CSMD3: variants seen among roughly 807,000 people sequenced by gnomAD.
CSMD3 encodes CUB and sushi domain-containing protein 3.
In CSMD3, 177 loss-of-function variants were observed where a neutral mutation model predicts 435.2. That is an observed-to-expected ratio of 0.41 (90% CI 0.36 to 0.46). The LOEUF (loss-of-function observed/expected upper bound fraction) is 0.46. Ranked by LOEUF, CSMD3 falls within the 20% of genes least tolerant of loss-of-function variation. The pLI, the probability that CSMD3 is intolerant of heterozygous loss-of-function variation, is 0.34. For missense variants in CSMD3, 4,265 were observed against 4,504.6 expected (o/e 0.95, Z 1.52); for synonymous variants, 1,656 against 1,520.5 (o/e 1.09, Z -2.07).
chr8:112,502,618 C>T (rs556207063), intron 30 of CSMD3, among the ~76,000 whole-genome samples: 1 of 152,126 alleles, frequency 6.6e-6, no homozygotes, highest in Non-Finnish European at 1.5e-5. Context: ...AAGAGACTAA[C>T]CCCTGTTCCT....
intron 13 of CSMD3, among the ~76,000 whole-genome samples, chr8:112,782,361 G>A (rs1256635002): frequency 6.6e-6 from 1 of 151,820 alleles, no homozygotes; most frequent in African/African-American, 2.4e-5. Flanking sequence ...TTAGTGACCT[G>A]GAAGACAGGC....
chr8:112,272,984 G>GA (rs2130494653), intron 59 of CSMD3, among the ~76,000 whole-genome samples: 1 of 152,208 alleles, frequency 6.6e-6, no homozygotes, highest in Non-Finnish European at 1.5e-5. Context: ...ATTCATTGTT[G>GA]AAAAGCTAAC....
chr8:112,699,452 T>C (rs571545807), intron 13 of CSMD3, among the ~76,000 whole-genome samples: 60 of 152,168 alleles, frequency 3.9e-4, no homozygotes, highest in African/African-American at 1.3e-3. Context: ...AGTTAATAAA[T>C]ACAGAATAAG....
At chr8:113,044,743 T>C (rs2131301516) in intron 5 of CSMD3, among the ~76,000 whole-genome samples, 1 of 149,294 alleles carries the variant, frequency 6.7e-6, no homozygotes. Context: ...ATCTCATCCT[T>C]TTTTAACCTA....
intron 9 of CSMD3, among the ~76,000 whole-genome samples, chr8:112,926,547 C>G (rs2082917848): frequency 6.6e-6 from 1 of 152,062 alleles, no homozygotes; most frequent in Non-Finnish European, 1.5e-5. Context: ...CATGATTATG[C>G]TGGTCAATGT....
At chr8:113,307,625 A>G (rs2093831784) in intron 2 of CSMD3, among the ~76,000 whole-genome samples, 1 of 152,216 alleles carries the variant, frequency 6.6e-6, no homozygotes, top group South Asian at 2.1e-4. Context: ...CAATGCATGT[A>G]TTTGTCAAAT....
At chr8:113,139,192 G>T (rs4437684) in intron 4 of CSMD3, among the ~76,000 whole-genome samples, 101,351 of 150,358 alleles carry the variant, frequency 0.67, 35,755 homozygotes, top group East Asian at 0.95. Flanking sequence ...AATGGCTAAG[G>T]TCTCTAAATA....
intron 6 of CSMD3, among the ~76,000 whole-genome samples, chr8:113,011,500 A>T (rs1248779690): frequency 1.3e-5 from 2 of 151,764 alleles, no homozygotes; most frequent in Non-Finnish European, 3.0e-5. Context: ...AATGAACAGA[A>T]ATTTGAGACA....
intron 4 of CSMD3, 53 bp from the exon 5 acceptor site, chr8:113,099,016 G>A: frequency 8.2e-7 from 1 of 1,216,454 alleles, no homozygotes; most frequent in Non-Finnish European, 1.2e-6. Context: ...AAATGCAATT[G>A]TTCAGTTGTA....
chr8:113,392,959 G>A (rs62521132), intron 1 of CSMD3, among the ~76,000 whole-genome samples: 21 of 12,152 alleles, frequency 1.7e-3, no homozygotes, highest in African/African-American at 7.1e-3. Context: ...ATATATATAT[G>A]TGTGTGTGTG....
At chr8:113,007,462 G>A (rs1481629816) in intron 6 of CSMD3, among the ~76,000 whole-genome samples, 1 of 151,900 alleles carries the variant, frequency 6.6e-6, no homozygotes, top group African/African-American at 2.4e-5. Context: ...GTGTGCAGAA[G>A]AAAGACCATG....
chr8:112,306,341 G>A (rs535299130), intron 50 of CSMD3, 149 bp from the exon 51 acceptor site: 26 of 674,378 alleles, frequency 3.9e-5, no homozygotes, highest in East Asian at 3.8e-4. Context: ...AATACTTTCC[G>A]AACCATAAAT....
At chr8:112,723,278 A>G (rs2076899104) in intron 13 of CSMD3, among the ~76,000 whole-genome samples, 1 of 152,156 alleles carries the variant, frequency 6.6e-6, no homozygotes, top group African/African-American at 2.4e-5. Flanking sequence ...TAATGACAGA[A>G]CACATGCTAT....
chr8:112,787,860 T>A (rs2078589877), intron 13 of CSMD3, among the ~76,000 whole-genome samples: 1 of 152,088 alleles, frequency 6.6e-6, no homozygotes, highest in East Asian at 1.9e-4. Flanking sequence ...TTAGATTGAA[T>A]GAATAAGATC....
intron 13 of CSMD3, among the ~76,000 whole-genome samples, chr8:112,792,643 T>C (rs1237578721): frequency 1.3e-5 from 2 of 152,172 alleles, no homozygotes; most frequent in African/African-American, 4.8e-5. Flanking sequence ...AGGCTTTTCT[T>C]CTATGTTTTA....
intron 13 of CSMD3, among the ~76,000 whole-genome samples, chr8:112,727,403 C>T (rs1200502118): frequency 6.6e-6 from 1 of 151,796 alleles, no homozygotes; most frequent in Non-Finnish European, 1.5e-5. Context: ...TCTATGGCTC[C>T]TTTCCAACTC....
chr8:112,953,948 T>C (rs2083916834), intron 8 of CSMD3, among the ~76,000 whole-genome samples: 1 of 151,498 alleles, frequency 6.6e-6, no homozygotes, highest in African/African-American at 2.4e-5. Context: ...AATGGCTTGC[T>C]TCAAAGTTTC....
intron 10 of CSMD3, among the ~76,000 whole-genome samples, chr8:112,919,208 T>A (rs1021746892): frequency 1.3e-5 from 2 of 151,892 alleles, no homozygotes; most frequent in Non-Finnish European, 2.9e-5. Flanking sequence ...TCCTATATAA[T>A]AATTGTTGAA....
At chr8:112,935,857 A>G (rs2083265453) in intron 9 of CSMD3, among the ~76,000 whole-genome samples, 2 of 152,106 alleles carry the variant, frequency 1.3e-5, no homozygotes, top group Non-Finnish European at 2.9e-5. Context: ...TGTATTACAG[A>G]TGACAACAGC....
Sources: gnomAD v4.1 joint callset for allele counts (sites outside exome capture counted in the v4.1 genomes callset) on GRCh38, gnomAD v4.1.1 for gene constraint, MANE v1.5 for transcripts, NCBI Gene and HGNC (gene_info 2026-07-23, HGNC 2026-07-21) for gene names.